Variants in CYYR1 observed in about 807,000 individuals in gnomAD.
CYYR1 encodes cysteine and tyrosine-rich protein 1.
Under a neutral mutation model 15.2 loss-of-function variants are expected in CYYR1, and 14 were observed. That is an observed-to-expected ratio of 0.92 (90% CI 0.61 to 1.44). The LOEUF is 1.44. CYYR1 is among the 40% of genes most tolerant of loss of function. The pLI, the probability that CYYR1 is intolerant of heterozygous loss-of-function variation, is 0.00. For missense variants in CYYR1, 228 were observed against 209.5 expected (o/e 1.09, Z -0.54); for synonymous variants, 80 against 77.4 (o/e 1.03, Z -0.18).
intron 2 of CYYR1, among the ~76,000 whole-genome samples, chr21:26,497,675 C>G (rs1356261200): frequency 6.6e-6 from 1 of 152,124 alleles, no homozygotes; most frequent in Non-Finnish European, 1.5e-5. Context: ...AAGTATGACC[C>G]ATATCCATAT....
Position 26,542,290 on chromosome 21 carries a change from C to CGCGTGT in CYYR1, c.176+23975_176+23976insACACGC, listed in dbSNP as rs1491314734. Among the ~76,000 whole-genome samples, 5 of 128,162 alleles carry CGCGTGT rather than the reference C, an allele frequency of 3.9e-5. No individual in the cohort carries two copies. In the South Asian group the frequency reaches 8.1e-4, roughly 21 times the overall value. The allele number at this position is 128,162 out of a possible 152,430, so 84.1% of individuals were successfully genotyped here. On this transcript the variant is annotated intron_variant, in intron 2 of 3. Transcript: ENST00000652641. Reference sequence around the variant, plus strand: ...GAGAGAGAGAATATGTGTGTGTGTGCGTGTGTGTGTGTGTGTGTGTGTGTG... The same window carrying CGCGTGT: ...GAGAGAGAGAATATGTGTGTGTGTGCGCGTGTGTGTGTGTGTGTGTGTGTGTGTGTG...
intron 2 of CYYR1, among the ~76,000 whole-genome samples, chr21:26,511,571 C>T (rs997283768): frequency 6.6e-6 from 1 of 152,136 alleles, no homozygotes; most frequent in Non-Finnish European, 1.5e-5. Context: ...GAAACATTCC[C>T]AAGTGCTGGC....
chr21:26,531,772 C>T (rs569957473), intron 2 of CYYR1, among the ~76,000 whole-genome samples: 94 of 152,164 alleles, frequency 6.2e-4, no homozygotes, highest in Non-Finnish European at 1.2e-3. Context: ...GTCATGTGGC[C>T]AGGGTATCCT....
At chr21:26,561,955 G>A (rs1459641742) in intron 2 of CYYR1, among the ~76,000 whole-genome samples, 1 of 152,128 alleles carries the variant, frequency 6.6e-6, no homozygotes, top group Non-Finnish European at 1.5e-5. Context: ...ACTCCGAAGA[G>A]GACTCTATAA....
chr21:26,570,465 C>T (rs1296828626), intron 1 of CYYR1, among the ~76,000 whole-genome samples: 1 of 152,164 alleles, frequency 6.6e-6, no homozygotes, highest in African/African-American at 2.4e-5. Flanking sequence ...GGCTGAGGCC[C>T]GGAAGGTAAA....
chr21:26,490,417 T>G (rs926003464), intron 2 of CYYR1, among the ~76,000 whole-genome samples: 2 of 152,132 alleles, frequency 1.3e-5, no homozygotes, highest in African/African-American at 4.8e-5. Context: ...TTTAGAGCCA[T>G]GTACTAGATA....
intron 2 of CYYR1, among the ~76,000 whole-genome samples, chr21:26,528,186 G>A (rs1380043962): frequency 6.6e-6 from 1 of 151,946 alleles, no homozygotes; most frequent in East Asian, 1.9e-4. Flanking sequence ...TAGTTCAAAA[G>A]GTTTACCTTT....
intron 2 of CYYR1, among the ~76,000 whole-genome samples, chr21:26,504,555 G>A (rs990389019): frequency 4.6e-5 from 7 of 152,076 alleles, no homozygotes; most frequent in African/African-American, 1.7e-4. Flanking sequence ...ATATATTTAT[G>A]GAGTACATGA....
intron 2 of CYYR1, among the ~76,000 whole-genome samples, chr21:26,500,085 C>T (rs2123473091): frequency 6.6e-6 from 1 of 152,166 alleles, no homozygotes; most frequent in East Asian, 1.9e-4. Flanking sequence ...ACTTTCTGGC[C>T]ACCATCTTGC....
At chr21:26,486,443 G>A (rs2065248719) in intron 2 of CYYR1, among the ~76,000 whole-genome samples, 3 of 151,806 alleles carry the variant, frequency 2.0e-5, no homozygotes, top group Non-Finnish European at 2.9e-5. Flanking sequence ...ATTTCTGTAC[G>A]AGGTATTAGA....
intron 2 of CYYR1, among the ~76,000 whole-genome samples, chr21:26,561,613 T>C (rs1016199158): frequency 6.6e-6 from 1 of 151,732 alleles, no homozygotes; most frequent in Non-Finnish European, 1.5e-5. Context: ...CCATTATTAG[T>C]TCTCCCTCTT....
chr21:26,511,875 G>C (rs924863829), intron 2 of CYYR1, among the ~76,000 whole-genome samples: 1 of 152,098 alleles, frequency 6.6e-6, no homozygotes, highest in African/African-American at 2.4e-5. Context: ...GATACATTGT[G>C]TAGACAATTT....
Position 26,467,177 on chromosome 21 carries a change from T to C in CYYR1, c.*1324A>G, listed in dbSNP as rs1250285219. 1 of 152,160 alleles carries C rather than the reference T, an allele frequency of 6.6e-6. No homozygotes were observed. The highest frequency in any genetic ancestry group is 2.4e-5 in the African/African-American group (1 of 41,448). The allele number at this position is 152,160 out of a possible 1,614,324, so 9.4% of individuals were successfully genotyped here. On this transcript the variant is annotated 3_prime_UTR_variant, in exon 4 of 4. Transcript: ENST00000652641. ...GTAAAATGACACAAAAATCTAATCA[T>C]CTATTTCCAATGTTCAATATACAAT...
At chr21:26,528,006 C>T (rs2065887325) in intron 2 of CYYR1, among the ~76,000 whole-genome samples, 1 of 152,114 alleles carries the variant, frequency 6.6e-6, no homozygotes, top group South Asian at 2.1e-4. Flanking sequence ...TTCAGCAACA[C>T]TTAAAACGAG....
chr21:26,496,411 G>C (rs1284576163), intron 2 of CYYR1, among the ~76,000 whole-genome samples: 1 of 152,140 alleles, frequency 6.6e-6, no homozygotes, highest in Non-Finnish European at 1.5e-5. Context: ...ATGACTTAAA[G>C]TACTTCCATC....
rs1485178012 is a variant in CYYR1, at chr21:26,467,487, T to C, written c.*1014A>G. On this transcript the variant is annotated 3_prime_UTR_variant, in exon 4 of 4. Transcript: ENST00000652641. Reference sequence around the variant, plus strand: ...CTGAACTTCATTTCCCACTTTATTTTTGCGAGTCTGTTGTGTATCTTCATG... The same window carrying C: ...CTGAACTTCATTTCCCACTTTATTTCTGCGAGTCTGTTGTGTATCTTCATG... 2 of 152,176 alleles carry C rather than the reference T, an allele frequency of 1.3e-5. No homozygotes were observed. The highest frequency in any genetic ancestry group is 2.9e-5 in the Non-Finnish European group (2 of 68,026). 9.4% of individuals were successfully genotyped at this position (152,176 alleles called of 1,614,324 possible).
Position 26,468,404 on chromosome 21 carries a change from A to G in CYYR1, c.*97T>C. The G allele has an allele frequency of 1.2e-6, 1 of 848,822 alleles. No homozygotes were observed. The allele number at this position is 848,822 out of a possible 1,614,324, so 52.6% of individuals were successfully genotyped here. A position where few individuals can be genotyped will look rare whatever the true frequency, so the allele number is the denominator to read the frequency against. ...GACACATTATCTGACCCCAAAAAGTATTCCTTGGAGCAATTCTTTCCTGCC... is the reference window on the plus strand; with the variant it reads ...GACACATTATCTGACCCCAAAAAGTGTTCCTTGGAGCAATTCTTTCCTGCC... On this transcript the variant is annotated 3_prime_UTR_variant, in exon 4 of 4. Transcript: ENST00000652641.
chr21:26,490,252 A>G lies in CYYR1; in HGVS notation c.177-9823T>C, dbSNP rs546282317. 7.0e-4 allele frequency among the ~76,000 whole-genome samples: 107 copies of G among 152,210 alleles called. 2 individuals are homozygous for G. The highest frequency in any genetic ancestry group is 2.5e-3 in the African/African-American group (104 of 41,524). ...GAGGCAGAGGTTGCAGTGAGCCAAG[A>G]TAGCCTCACTGCACTCCAACCTGGG... is the stretch of plus-strand genomic sequence containing the variant. On this transcript the variant is annotated intron_variant, in intron 2 of 3. Coordinates refer to ENST00000652641, the MANE Select transcript of CYYR1 (RefSeq NM_001320768.2).
At chr21:26,553,155 T>TAAAA (rs1601824210) in intron 2 of CYYR1, among the ~76,000 whole-genome samples, 1 of 152,122 alleles carries the variant, frequency 6.6e-6, no homozygotes, top group Non-Finnish European at 1.5e-5. Context: ...TTTTGGCACT[T>TAAAA]AAAAAATATG....
Sources: gnomAD v4.1 joint callset for allele counts (sites outside exome capture counted in the v4.1 genomes callset) on GRCh38, gnomAD v4.1.1 for gene constraint, MANE v1.5 for transcripts, NCBI Gene and HGNC (gene_info 2026-07-23, HGNC 2026-07-21) for gene names.